RANBP2: variants seen among roughly 807,000 people sequenced by gnomAD.
RANBP2 encodes E3 SUMO-protein ligase RanBP2.
RANBP2 carries 57 observed loss-of-function variants against 303.6 expected under a neutral mutation model. That is an observed-to-expected ratio of 0.19 (90% CI 0.15 to 0.23). The LOEUF (loss-of-function observed/expected upper bound fraction) is 0.23. Among genes scored for constraint, RANBP2 ranks in the 10% least tolerant of loss-of-function variants. RANBP2 has a pLI of 1.00. For missense variants in RANBP2, 3,138 were observed against 3,780.8 expected, an observed-to-expected ratio of 0.83 and a Z score of 4.46; for synonymous variants, 1,167 against 1,301.5, an observed-to-expected ratio of 0.90 and a Z score of 2.23.
At chr2:109,126,729 C>T in the RANBP2 span, among the ~76,000 whole-genome samples, 1 of 152,216 alleles carries the variant, frequency 6.6e-6, no homozygotes, top group African/African-American at 2.4e-5. Flanking sequence ...GCTAATCTGG[C>T]TCAGCTCTTA....
chr2:109,657,603 C>T, the RANBP2 span, among the ~76,000 whole-genome samples: 1 of 152,044 alleles, frequency 6.6e-6, no homozygotes. Flanking sequence ...CTATAAATTC[C>T]TCAGTTGCAT....
chr2:108,980,103 G>C, the RANBP2 span, among the ~76,000 whole-genome samples: 1 of 150,404 alleles, frequency 6.6e-6, no homozygotes, highest in African/African-American at 2.5e-5. Flanking sequence ...TGTGGGGTGG[G>C]GTGGGGTGGG....
the RANBP2 span, among the ~76,000 whole-genome samples, chr2:108,825,279 TTTG>T: frequency 3.8e-5 from 1 of 26,268 alleles, no homozygotes; most frequent in African/African-American, 5.1e-5. Context: ...GGGTTTTTTG[TTTG>T]TTTGTTTGTT....
chr2:109,400,438 A>ATG, the RANBP2 span, among the ~76,000 whole-genome samples: 2 of 152,046 alleles, frequency 1.3e-5, no homozygotes, highest in African/African-American at 4.8e-5. Flanking sequence ...GTGCACTTAT[A>ATG]TGCACCCCTT....
chr2:109,516,567 T>C, the RANBP2 span, among the ~76,000 whole-genome samples: 1 of 152,168 alleles, frequency 6.6e-6, no homozygotes, highest in Admixed American at 6.5e-5. Flanking sequence ...GGGCCGCCAC[T>C]GGAGGGCGTG....
the RANBP2 span, among the ~76,000 whole-genome samples, chr2:109,407,123 C>T: frequency 6.6e-5 from 10 of 152,216 alleles, no homozygotes; most frequent in Non-Finnish European, 1.5e-4. Flanking sequence ...CTTGCTGGGT[C>T]CAGAGTGTGG....
At chr2:109,120,859 C>T in the RANBP2 span, among the ~76,000 whole-genome samples, 1 of 152,094 alleles carries the variant, frequency 6.6e-6, no homozygotes, top group Non-Finnish European at 1.5e-5. Flanking sequence ...GTACTTCTTC[C>T]TGGTACAGAG....
chr2:109,321,303 T>G, the RANBP2 span, among the ~76,000 whole-genome samples: 1 of 152,236 alleles, frequency 6.6e-6, no homozygotes, highest in African/African-American at 2.4e-5. Context: ...CTTAATTTAG[T>G]AAATTGGTAG....
chr2:109,534,092 A>G, the RANBP2 span, among the ~76,000 whole-genome samples: 4 of 152,126 alleles, frequency 2.6e-5, no homozygotes, highest in Non-Finnish European at 5.9e-5. Flanking sequence ...AGATGTCCAA[A>G]AGGCATTCCC....
the RANBP2 span, among the ~76,000 whole-genome samples, chr2:109,465,931 G>T: frequency 1.3e-5 from 2 of 152,046 alleles, no homozygotes; most frequent in African/African-American, 4.8e-5. Flanking sequence ...CCGTCCCCAC[G>T]ATCCAGTCAC....
At position 108,729,132 on chromosome 2, in the gene RANBP2, A is replaced by G. The variant is rs576251747; in HGVS notation, c.73A>G (p.Lys25Glu). Residue 25 changes from lysine to glutamate, a missense_variant and splice_region_variant, in exon 2 of 29, where the codon AAG becomes GAG. Around this residue, in one of 20 missense-constraint regions of RANBP2, gnomAD observed 306 missense variants for 381.9 expected, o/e 0.80. Transcript: ENST00000283195. ...VQGSTPSPRQ[K>E]SMKGFYFAKL... ...TAAAACAACTTTTAATTTTTTTTAG[A>G]AGTCAATGAAAGGATTCTATTTTGC... 2.0e-5 allele frequency: 31 copies of G among 1,569,920 alleles called. No homozygotes were observed. The African/African-American group carries it at 2.7e-4, about 14-fold the overall frequency.
the RANBP2 span, chr2:109,585,390 T>C: frequency 7.6e-7 from 1 of 1,311,134 alleles, no homozygotes. Context: ...TGTAAATGCC[T>C]AGAGTGGTTT....
chr2:109,227,464 A>G, the RANBP2 span, among the ~76,000 whole-genome samples: 1 of 152,194 alleles, frequency 6.6e-6, no homozygotes, highest in African/African-American at 2.4e-5. Context: ...GACTGGAGTT[A>G]TGAGGATGGT....
At chr2:108,847,103 A>G in the RANBP2 span, among the ~76,000 whole-genome samples, 5 of 152,224 alleles carry the variant, frequency 3.3e-5, no homozygotes, top group Non-Finnish European at 5.9e-5. Flanking sequence ...TGAGAAATTG[A>G]AGTCTTTAGT....
the RANBP2 span, among the ~76,000 whole-genome samples, chr2:109,097,361 CT>C: frequency 6.8e-6 from 1 of 147,052 alleles, no homozygotes; most frequent in African/African-American, 2.5e-5. Flanking sequence ...AAAACAAAAC[CT>C]CTGATCCCTG....
the RANBP2 span, among the ~76,000 whole-genome samples, chr2:109,105,651 T>A: frequency 1.3e-5 from 2 of 152,060 alleles, no homozygotes; most frequent in Non-Finnish European, 2.9e-5. Context: ...GCCTCCCAGG[T>A]TCAAGCGATT....
chr2:109,128,486 G>T, the RANBP2 span: 1 of 152,180 alleles, frequency 6.6e-6, no homozygotes, highest in Non-Finnish European at 1.5e-5. Flanking sequence ...CCAAGGCTGC[G>T]CCGGGAGGAG....
chr2:109,151,653 A>G, the RANBP2 span, among the ~76,000 whole-genome samples: 8 of 152,234 alleles, frequency 5.3e-5, no homozygotes, highest in Non-Finnish European at 2.9e-5. Flanking sequence ...CCTGCAGTAC[A>G]TCTGAGGTCA....
the RANBP2 span, among the ~76,000 whole-genome samples, chr2:109,196,753 C>T: frequency 7.0e-4 from 107 of 152,284 alleles, 1 homozygote; most frequent in African/African-American, 2.2e-3. Flanking sequence ...GCCCCGTGGC[C>T]TTCTGGGCCT....
Sources: gnomAD v4.1 joint callset for allele counts (sites outside exome capture counted in the v4.1 genomes callset) on GRCh38, gnomAD v4.1.1 for gene constraint, gnomAD v4.1.1 regional missense constraint, MANE v1.5 for transcripts, NCBI Gene and HGNC (gene_info 2026-07-23, HGNC 2026-07-21) for gene names.